The following NDUFB1 variants were observed in gnomAD, a reference collection of about 807,000 sequenced individuals.
The protein encoded by NDUFB1 is NADH:ubiquinone oxidoreductase subunit B1.
NDUFB1 carries 6 observed loss-of-function variants against 6.7 expected under a neutral mutation model. The ratio of observed to expected loss-of-function variants is 0.89; its 90% CI spans 0.49 to 1.76. The LOEUF (loss-of-function observed/expected upper bound fraction) is 1.76, where lower values mean the gene tolerates loss of function less well. Among genes scored for constraint, NDUFB1 ranks in the 40% most tolerant of loss-of-function variants. The pLI is 0.01. For synonymous variants in NDUFB1, 17 were observed against 22.9 expected, an observed-to-expected ratio of 0.74 and a Z score of 0.74; for missense variants, 56 against 71.0, an observed-to-expected ratio of 0.79 and a Z score of 0.76.
At chr14:92,117,770 G>A in intron 1 of NDUFB1, 128 bp from the exon 2 acceptor site, 2 of 896,876 alleles carry the variant, frequency 2.2e-6, no homozygotes, top group Non-Finnish European at 3.4e-6. Flanking sequence ...TGCTGAGGTG[G>A]GCAGATCACT....
intron 2 of NDUFB1, among the ~76,000 whole-genome samples, chr14:92,116,690 T>G (rs1449912842): frequency 6.6e-6 from 1 of 152,204 alleles, no homozygotes; most frequent in Non-Finnish European, 1.5e-5. Context: ...ATTAGATTCA[T>G]CATATGTATT....
intron 1 of NDUFB1, chr14:92,121,332 G>A (rs541137062): frequency 2.9e-5 from 14 of 487,090 alleles, no homozygotes; most frequent in African/African-American, 2.7e-4. Flanking sequence ...CCCTGCTTCA[G>A]GCCAGGCGTG....
Position 92,116,189 on chromosome 14 carries a change from G to A in NDUFB1, c.*4C>T, listed in dbSNP as rs2068715721. ...ATGTGAACATTCGATAATCTAGCCA[G>A]TCTTTACTTCCAGGTAACTTCTTCA... On this transcript the variant is annotated 3_prime_UTR_variant, in exon 3 of 3. Transcript: ENST00000605997. The A allele has an allele frequency of 1.9e-6, 3 of 1,611,346 alleles. No individual in the cohort carries two copies. Among genetic ancestry groups the A allele is most frequent in the Non-Finnish European group, 2.5e-6 (3 of 1,178,078 alleles).
rs35571568 is a variant in NDUFB1, at chr14:92,116,331, CTTTTTTTTTTTTT to C, written c.141-115_141-103del. 19 of 497,008 alleles carry C rather than the reference CTTTTTTTTTTTTT, an allele frequency of 3.8e-5. 1 individual carries two copies. The highest frequency in any genetic ancestry group is 3.7e-4 in the South Asian group (18 of 48,850). 30.8% of individuals were successfully genotyped at this position (497,008 alleles called of 1,614,324 possible). ...AAGAATGATTGCAATATTTCATTTT[CTTTTTTTTTTTTT>C]TTTTTTTGAGACGAAGTCTGGCTTT... On this transcript the variant is annotated intron_variant, in intron 2 of 2. Transcript: ENST00000605997.
At position 92,117,655 on chromosome 14, in the gene NDUFB1, A is replaced by G. The variant is rs748395394; in HGVS notation, c.-5-13T>C. 33 of 1,610,066 alleles carry G rather than the reference A, an allele frequency of 2.0e-5. No individual in the cohort carries two copies. Among genetic ancestry groups the G allele is most frequent in the Admixed American group, 6.7e-5 (4 of 59,532 alleles). The stretch of plus-strand genomic sequence containing the variant: ...TTCACCATGATAGCTAAAAGAAAAA[A>G]AAATTATCAGAAATACAACTGCTTT... On this transcript the variant is annotated splice_polypyrimidine_tract_variant and intron_variant, in intron 1 of 2. Transcript: ENST00000605997.
Position 92,121,615 on chromosome 14 carries a change from G to A in NDUFB1, c.-6+27C>T, listed in dbSNP as rs1184674061. The A allele has an allele frequency of 1.9e-6, 3 of 1,611,716 alleles. No individual in the cohort carries two copies. In the Admixed American group the frequency reaches 5.0e-5, roughly 27 times the overall value. On this transcript the variant is annotated intron_variant, in intron 1 of 2. Coordinates refer to ENST00000605997, the MANE Select transcript of NDUFB1 (RefSeq NM_004545.4). ...CACCGTCGCCGTGATCCTCGTCGCG[G>A]CGGCCCCCCGGGCTCCCCAAACCCA...
intron 1 of NDUFB1, chr14:92,118,621 G>GA (rs1379368348): frequency 2.6e-5 from 4 of 151,970 alleles, no homozygotes; most frequent in Non-Finnish European, 5.9e-5. Context: ...AGATATGAGA[G>GA]AAAAAAGAAA....
chr14:92,117,389 C>G, intron 2 of NDUFB1, 109 bp downstream of exon 2: 1 of 1,097,212 alleles, frequency 9.1e-7, no homozygotes, highest in Admixed American at 1.7e-5. Context: ...TCATTTGAAT[C>G]TAAGTCCTCA....
chr14:92,121,638 C>G lies in NDUFB1; in HGVS notation c.-6+4G>C. ...CGGCGGCCCCCCGGGCTCCCCAAAC[C>G]CACCTGCAGCCTCAGCGCCTACAGC... On this transcript the variant is annotated splice_donor_region_variant and intron_variant, in intron 1 of 2. Transcript: ENST00000605997. 1 of 1,613,160 alleles carries G rather than the reference C, an allele frequency of 6.2e-7. No homozygotes were observed. Among genetic ancestry groups the G allele is most frequent in the Non-Finnish European group, 8.5e-7 (1 of 1,179,848 alleles).
chr14:92,121,515 CG>C, intron 1 of NDUFB1, 126 bp downstream of exon 1: 1 of 1,383,450 alleles, frequency 7.2e-7, no homozygotes, highest in Non-Finnish European at 9.9e-7. Flanking sequence ...CACCTTCGTT[CG>C]GAAGCCCCGG....
Position 92,116,139 on chromosome 14 carries a change from T to G in NDUFB1, c.*54A>C. ...AGAAAGACATTTCAGATTCTTCATG[T>G]TTTTATTTCTCTCAGAACTTTAAAA... On this transcript the variant is annotated 3_prime_UTR_variant, in exon 3 of 3. Transcript: ENST00000605997. 2 of 1,495,736 alleles carry G rather than the reference T, an allele frequency of 1.3e-6. No individual in the cohort carries two copies. The highest frequency in any genetic ancestry group is 2.8e-5 in the African/African-American group (2 of 72,500). 92.7% of individuals were successfully genotyped at this position (1,495,736 alleles called of 1,614,324 possible). A position where few individuals can be genotyped will look rare whatever the true frequency, so the allele number is the denominator to read the frequency against.
intron 1 of NDUFB1, chr14:92,119,026 T>C (rs2068735073): frequency 1.2e-5 from 4 of 331,606 alleles, no homozygotes; most frequent in South Asian, 4.7e-5. Flanking sequence ...TTTACTTTTA[T>C]AGAGTGACTA....
At chr14:92,117,686 T>G (rs946608879) in intron 1 of NDUFB1, 44 bp from the exon 2 acceptor site, 2 of 1,587,436 alleles carry the variant, frequency 1.3e-6, no homozygotes, top group Admixed American at 3.5e-5. Context: ...GCTTTGTTTT[T>G]TTTTTGAAAT....
chr14:92,117,468 A>G (rs766101441), intron 2 of NDUFB1, 30 bp downstream of exon 2: 2 of 1,611,714 alleles, frequency 1.2e-6, no homozygotes, highest in East Asian at 4.5e-5. Flanking sequence ...AAATTTGGCC[A>G]ATTGCTGGTT....
In NDUFB1 at chr14:92,121,640, A is replaced by G. The variant is rs1327624999; in HGVS notation, c.-6+2T>C. Reference sequence around the variant, plus strand: ...GCGGCCCCCCGGGCTCCCCAAACCCACCTGCAGCCTCAGCGCCTACAGCGA... The same window carrying G: ...GCGGCCCCCCGGGCTCCCCAAACCCGCCTGCAGCCTCAGCGCCTACAGCGA... On this transcript the variant is annotated splice_donor_variant, in intron 1 of 2. Coordinates refer to ENST00000605997, the MANE Select transcript of NDUFB1 (RefSeq NM_004545.4). LOFTEE classifies it low-confidence loss of function (5UTR_SPLICE). The G allele has an allele frequency of 6.2e-7, 1 of 1,611,874 alleles. No individual in the cohort carries two copies. Among genetic ancestry groups the G allele is most frequent in the Admixed American group, 1.7e-5 (1 of 59,860 alleles).
At position 92,117,729 on chromosome 14, in the gene NDUFB1, G is replaced by A; in HGVS notation, c.-5-87C>T. On this transcript the variant is annotated intron_variant, in intron 1 of 2. Transcript: ENST00000605997. ...AAATTGCATCTGGGCCAGGTGCGGT[G>A]GTTCATGCCTGTAATCCTAGCACTT... 3.8e-6 allele frequency: 5 copies of A among 1,304,068 alleles called. No individual in the cohort carries two copies. The South Asian group carries it at 3.9e-5, about 10-fold the overall frequency. 80.8% of individuals were successfully genotyped at this position (1,304,068 alleles called of 1,614,324 possible).
chr14:92,116,377 A>G (rs2068718089), intron 2 of NDUFB1, 148 bp from the exon 3 acceptor site: 1 of 690,558 alleles, frequency 1.4e-6, no homozygotes, highest in Non-Finnish European at 2.3e-6. Context: ...TTTGTAGCCC[A>G]GGCTGGAGTG....
intron 1 of NDUFB1, 153 bp downstream of exon 1, chr14:92,121,489 C>T (rs2068763081): frequency 1.7e-6 from 2 of 1,150,714 alleles, no homozygotes; most frequent in Admixed American, 2.6e-5. Context: ...AAGAAAACCC[C>T]ATTTTCCTTT....
At chr14:92,121,490 A>AT in intron 1 of NDUFB1, 152 bp downstream of exon 1, 1 of 1,178,508 alleles carries the variant, frequency 8.5e-7, no homozygotes, top group South Asian at 1.4e-5. Context: ...AGAAAACCCC[A>AT]TTTTCCTTTC....
Sources: allele counts gnomAD v4.1 joint callset (sites outside exome capture counted in the v4.1 genomes callset), GRCh38; gene constraint gnomAD v4.1.1; transcripts MANE v1.5; gene names NCBI Gene and HGNC (gene_info 2026-07-23, HGNC 2026-07-21).